The following NIPAL2 variants were observed in gnomAD, a reference collection of about 807,000 sequenced individuals.
NIPAL2 encodes NIPA-like protein 2.
NIPAL2 carries 43 observed loss-of-function variants against 48.9 expected under a neutral mutation model. The observed-to-expected ratio is 0.88, with a 90% CI of 0.69 to 1.13. The LOEUF is 1.13. Ranked by LOEUF, NIPAL2 falls within the 50% of genes most tolerant of loss-of-function variation. The pLI, the probability that NIPAL2 is intolerant of heterozygous loss-of-function variation, is 0.00. For synonymous variants in NIPAL2, 167 were observed against 174.6 expected, an observed-to-expected ratio of 0.96 and a Z score of 0.34; for missense variants, 446 against 461.4, an observed-to-expected ratio of 0.97 and a Z score of 0.31.
At chr8:98,195,418 G>A (rs186303790) in intron 9 of NIPAL2, among the ~76,000 whole-genome samples, 12 of 152,198 alleles carry the variant, frequency 7.9e-5, no homozygotes, top group African/African-American at 2.9e-4. Flanking sequence ...TATTGTCAAA[G>A]TTCTGCTCTC....
rs1275420892 is a variant in NIPAL2 at position 98,191,148 on chromosome 8, A to G, written c.*1830T>C. ...TATGCTTGTGCCTGTGTGAAATTCT[A>G]CAGTGCTGAAAATCTCATGCACTCT... On this transcript the variant is annotated 3_prime_UTR_variant, in exon 11 of 11. Transcript: ENST00000430223. 1.3e-5 allele frequency: 2 copies of G among 152,224 alleles called. No homozygotes were observed. Among genetic ancestry groups the G allele is most frequent in the African/African-American group, 2.4e-5 (1 of 41,458 alleles). The allele number at this position is 152,224 out of a possible 1,614,324, so 9.4% of individuals were successfully genotyped here.
chr8:98,250,315 A>G (rs1198249940), intron 3 of NIPAL2, among the ~76,000 whole-genome samples: 3 of 152,072 alleles, frequency 2.0e-5, no homozygotes, highest in African/African-American at 7.3e-5. Context: ...TCATCTGTAG[A>G]CACAGACATA....
At chr8:98,251,351 C>T (rs945766641) in intron 3 of NIPAL2, among the ~76,000 whole-genome samples, 3 of 152,020 alleles carry the variant, frequency 2.0e-5, no homozygotes, top group African/African-American at 4.8e-5. Context: ...AAACATAAAA[C>T]GTCTAAAATG....
intron 1 of NIPAL2, among the ~76,000 whole-genome samples, chr8:98,268,967 CAAG>C (rs1246069721): frequency 6.6e-6 from 1 of 152,182 alleles, no homozygotes; most frequent in African/African-American, 2.4e-5. Context: ...AGCATCTTCA[CAAG>C]AAGAAGATTC....
chr8:98,198,500 G>T (rs1810657872), intron 8 of NIPAL2, among the ~76,000 whole-genome samples: 1 of 152,232 alleles, frequency 6.6e-6, no homozygotes, highest in Non-Finnish European at 1.5e-5. Context: ...CTCCTCTTTA[G>T]CCATGAAAGT....
At chr8:98,290,854 G>A (rs185746051) in intron 1 of NIPAL2, among the ~76,000 whole-genome samples, 14 of 152,218 alleles carry the variant, frequency 9.2e-5, no homozygotes, top group African/African-American at 2.9e-4. Context: ...GTGATCATGC[G>A]GGGGAAAAGG....
Position 98,259,070 on chromosome 8 carries a change from C to CTTTTTTTTTTTT in NIPAL2, c.136-4995_136-4984dup, listed in dbSNP as rs869220202. Among the ~76,000 whole-genome samples the CTTTTTTTTTTTT allele has an allele frequency of 8.6e-4, 36 of 41,856 alleles. 1 individual carries two copies. Among genetic ancestry groups the CTTTTTTTTTTTT allele is most frequent in the African/African-American group, 3.8e-3 (35 of 9,210 alleles). 27.5% of individuals were successfully genotyped at this position (41,856 alleles called of 152,430 possible). On this transcript the variant is annotated intron_variant, in intron 1 of 10. Coordinates refer to ENST00000430223, the MANE Select transcript of NIPAL2 (RefSeq NM_001321635.2). ...TATGCTGCTGTTCCTTTAAATATTC[C>CTTTTTTTTTTTT]TTTTTTTTTTTTTTTTTTTTTTTTG...
chr8:98,263,080 C>T (rs1356461580), intron 1 of NIPAL2, among the ~76,000 whole-genome samples: 7 of 148,482 alleles, frequency 4.7e-5, no homozygotes, highest in South Asian at 2.2e-4. Flanking sequence ...TTGAAACCAA[C>T]GAGAACAAAG....
At chr8:98,212,625 G>A (rs1053631799) in intron 5 of NIPAL2, 124 bp from the exon 6 acceptor site, 8 of 587,198 alleles carry the variant, frequency 1.4e-5, no homozygotes, top group Non-Finnish European at 2.4e-5. Context: ...GGTTCCTAGG[G>A]ATGACACAGG....
intron 4 of NIPAL2, among the ~76,000 whole-genome samples, chr8:98,232,186 A>T (rs1179168831): frequency 1.3e-5 from 2 of 152,172 alleles, no homozygotes; most frequent in East Asian, 3.9e-4. Context: ...TAATCTTAGG[A>T]TATCGCTTGT....
intron 6 of NIPAL2, among the ~76,000 whole-genome samples, chr8:98,211,224 A>G (rs981487318): frequency 1.6e-4 from 25 of 152,100 alleles, no homozygotes; most frequent in African/African-American, 6.0e-4. Flanking sequence ...ATTTACATTT[A>G]TTATCATAAC....
intron 1 of NIPAL2, among the ~76,000 whole-genome samples, chr8:98,283,832 G>A (rs991057065): frequency 7.2e-5 from 11 of 152,126 alleles, no homozygotes; most frequent in South Asian, 2.1e-4. Flanking sequence ...TCAAGTATCA[G>A]CCACTGGGTG....
chr8:98,279,939 A>T (rs1356895770), intron 1 of NIPAL2, among the ~76,000 whole-genome samples: 1 of 152,232 alleles, frequency 6.6e-6, no homozygotes, highest in Admixed American at 6.5e-5. Context: ...GCCACAGCAT[A>T]CAATTTATAT....
intron 3 of NIPAL2, 34 bp from the exon 4 acceptor site, chr8:98,236,248 A>C: frequency 6.9e-7 from 1 of 1,454,202 alleles, no homozygotes; most frequent in East Asian, 2.4e-5. Context: ...GGTAGTTCCA[A>C]TATAAAAGTG....
At chr8:98,202,749 G>A (rs1005378883) in intron 8 of NIPAL2, among the ~76,000 whole-genome samples, 1 of 152,122 alleles carries the variant, frequency 6.6e-6, no homozygotes, top group African/African-American at 2.4e-5. Context: ...TTCCTTTATA[G>A]CAACACAAAA....
chr8:98,253,872 T>C, intron 2 of NIPAL2, 147 bp downstream of exon 2: 1 of 501,874 alleles, frequency 2.0e-6, no homozygotes, highest in East Asian at 3.4e-5. Context: ...TATATTTGTG[T>C]TTATACCAAT....
chr8:98,259,822 A>T (rs1424185433), intron 1 of NIPAL2, among the ~76,000 whole-genome samples: 1 of 152,194 alleles, frequency 6.6e-6, no homozygotes, highest in Non-Finnish European at 1.5e-5. Flanking sequence ...CCATCCCTAG[A>T]GCACCCAGCC....
intron 3 of NIPAL2, among the ~76,000 whole-genome samples, chr8:98,244,599 GGTGATGAGAGGGTGGGCTGT>G (rs1813200149): frequency 7.3e-6 from 1 of 136,184 alleles, no homozygotes; most frequent in Non-Finnish European, 1.6e-5. Flanking sequence ...GGTGGGCTGT[GGTGATGAGAGGGTGGGCTGT>G]GGTGATGGGG....
chr8:98,204,569 T>A (rs3816645), intron 7 of NIPAL2, among the ~76,000 whole-genome samples: 3,686 of 152,080 alleles, frequency 0.024, 106 homozygotes, highest in East Asian at 0.15. Context: ...GTCACCACTA[T>A]TAGGCCTCAA....
Sources: gnomAD v4.1 joint callset for allele counts (sites outside exome capture counted in the v4.1 genomes callset) on GRCh38, gnomAD v4.1.1 for gene constraint, MANE v1.5 for transcripts, NCBI Gene and HGNC (gene_info 2026-07-23, HGNC 2026-07-21) for gene names.